SHB: variants seen among roughly 807,000 people sequenced by gnomAD.
SHB encodes the protein SH2 domain-containing adapter protein B.
A neutral mutation model predicts 52.3 loss-of-function variants in SHB; 20 were observed. The observed-to-expected ratio is 0.38, with a 90% CI of 0.27 to 0.56. The LOEUF is 0.56. Ranked by LOEUF, SHB falls within the 20% of genes least tolerant of loss-of-function variation. SHB has a pLI of 0.71. For missense variants in SHB, 825 were observed against 723.3 expected (o/e 1.14, Z -1.61); for synonymous variants, 397 against 316.5 (o/e 1.25, Z -2.70).
intron 2 of SHB, among the ~76,000 whole-genome samples, chr9:37,991,132 A>G (rs1206751250): frequency 6.6e-6 from 1 of 152,228 alleles, no homozygotes; most frequent in African/African-American, 2.4e-5. Flanking sequence ...GTTTGATATT[A>G]TCAATATCTG....
intron 2 of SHB, among the ~76,000 whole-genome samples, chr9:38,013,221 T>G (rs1489562035): frequency 6.6e-6 from 1 of 152,234 alleles, no homozygotes. Context: ...AATGCTTCTT[T>G]GGAGAGAGAA....
chr9:38,000,811 CAA>C (rs1250351609), intron 2 of SHB, among the ~76,000 whole-genome samples: 5 of 152,178 alleles, frequency 3.3e-5, no homozygotes, highest in Admixed American at 3.3e-4. Context: ...CAAAATGAAC[CAA>C]AATACTGCCC....
chr9:37,928,505 T>C (rs1314346901), intron 5 of SHB, among the ~76,000 whole-genome samples: 2 of 152,062 alleles, frequency 1.3e-5, no homozygotes, highest in Non-Finnish European at 2.9e-5. Context: ...GCTACTGGCA[T>C]CTAAGTAAGA....
chr9:37,941,046 TC>T, intron 5 of SHB, among the ~76,000 whole-genome samples: 1 of 152,280 alleles, frequency 6.6e-6, no homozygotes, highest in South Asian at 2.1e-4. Context: ...AGACAGGTTA[TC>T]CAGGAAGAGG....
chr9:38,001,467 G>A (rs1249108974), intron 2 of SHB, among the ~76,000 whole-genome samples: 1 of 152,244 alleles, frequency 6.6e-6, no homozygotes, highest in Non-Finnish European at 1.5e-5. Context: ...CACCCTGAAT[G>A]GGAAGACATG....
intron 1 of SHB, among the ~76,000 whole-genome samples, chr9:38,050,615 G>T (rs1821727011): frequency 6.6e-6 from 1 of 152,116 alleles, no homozygotes; most frequent in Non-Finnish European, 1.5e-5. Flanking sequence ...TATGAAGGTG[G>T]TCGTCAGAAA....
chr9:38,016,560 G>C (rs1055812094), intron 1 of SHB, among the ~76,000 whole-genome samples: 6 of 152,238 alleles, frequency 3.9e-5, no homozygotes, highest in Non-Finnish European at 8.8e-5. Context: ...GGTGCTGGCT[G>C]AGGCACAGAA....
rs556089337 is a variant in SHB at position 37,918,605 on chromosome 9, C to T, written c.*1216G>A. On this transcript the variant is annotated 3_prime_UTR_variant, in exon 6 of 6. Transcript: ENST00000377707. The stretch of plus-strand genomic sequence containing the variant: ...TCTCCCTCCTCCATGGGCAGGGTGA[C>T]AGCAAGGCCATGCAGAACCAACGAA... 4.8e-4 allele frequency among the ~76,000 whole-genome samples: 73 copies of T among 152,236 alleles called. No individual in the cohort carries two copies. Among genetic ancestry groups the T allele is most frequent in the African/African-American group, 1.6e-3 (67 of 41,476 alleles).
At chr9:37,997,120 A>C (rs1180178239) in intron 2 of SHB, among the ~76,000 whole-genome samples, 2 of 152,224 alleles carry the variant, frequency 1.3e-5, no homozygotes, top group East Asian at 3.8e-4. Context: ...TAGGGGGCTC[A>C]GAAAGCCCTT....
chr9:37,992,157 T>C (rs970663345), intron 2 of SHB, among the ~76,000 whole-genome samples: 1 of 152,200 alleles, frequency 6.6e-6, no homozygotes, highest in African/African-American at 2.4e-5. Flanking sequence ...TCCCAGCACT[T>C]TGAGAGGCCG....
intron 5 of SHB, 63 bp downstream of exon 5, chr9:37,948,572 G>C: frequency 6.3e-7 from 1 of 1,588,470 alleles, no homozygotes; most frequent in Non-Finnish European, 8.6e-7. Context: ...CCACAGACAC[G>C]GTGGCCGGCT....
chr9:37,993,680 A>G (rs1038048350), intron 2 of SHB, among the ~76,000 whole-genome samples: 1 of 152,096 alleles, frequency 6.6e-6, no homozygotes, highest in Non-Finnish European at 1.5e-5. Context: ...AAAAAAAAAA[A>G]GAAAATATAA....
At chr9:38,028,678 G>T (rs1294114445) in intron 1 of SHB, among the ~76,000 whole-genome samples, 1 of 152,252 alleles carries the variant, frequency 6.6e-6, no homozygotes, top group Non-Finnish European at 1.5e-5. Flanking sequence ...AACAGCCAGT[G>T]AAAGAAGTTA....
chr9:37,934,140 C>T (rs962484949), intron 5 of SHB, among the ~76,000 whole-genome samples: 16 of 152,338 alleles, frequency 1.1e-4, no homozygotes, highest in Admixed American at 8.5e-4. Context: ...TCCTGAGCTT[C>T]GGTTGAACTC....
chr9:37,984,976 G>A (rs377021321), intron 2 of SHB, among the ~76,000 whole-genome samples: 51 of 152,292 alleles, frequency 3.3e-4, no homozygotes, highest in African/African-American at 8.2e-4. Flanking sequence ...ACCGTCACAC[G>A]GCAGGAGGCC....
intron 2 of SHB, among the ~76,000 whole-genome samples, chr9:37,979,483 G>A (rs1396251028): frequency 6.6e-6 from 1 of 152,186 alleles, no homozygotes; most frequent in African/African-American, 2.4e-5. Flanking sequence ...CTGCCCATGG[G>A]AATGTGGAGA....
chr9:37,978,009 A>AGTGAATGTGG (rs1309858079), intron 2 of SHB, among the ~76,000 whole-genome samples: 4 of 152,238 alleles, frequency 2.6e-5, no homozygotes, highest in African/African-American at 9.6e-5. Context: ...AGAGATACTC[A>AGTGAATGTGG]GTGAATGTGG....
chr9:38,034,862 A>AT (rs1256659304), intron 1 of SHB, among the ~76,000 whole-genome samples: 1 of 152,050 alleles, frequency 6.6e-6, no homozygotes, highest in Non-Finnish European at 1.5e-5. Flanking sequence ...ATGCCTGGCT[A>AT]TTTTTTGTAT....
intron 1 of SHB, among the ~76,000 whole-genome samples, chr9:38,051,096 C>T (rs1037254116): frequency 1.3e-5 from 2 of 152,132 alleles, no homozygotes; most frequent in Non-Finnish European, 1.5e-5. Flanking sequence ...AAACCAGGCC[C>T]ACTTCTACCC....
Sources: allele counts gnomAD v4.1 joint callset (sites outside exome capture counted in the v4.1 genomes callset), GRCh38; gene constraint gnomAD v4.1.1; transcripts MANE v1.5; gene names NCBI Gene and HGNC (gene_info 2026-07-23, HGNC 2026-07-21).